The following PCDHA3 variants were observed in gnomAD, a reference collection of about 807,000 sequenced individuals.
PCDHA3 encodes protocadherin alpha-3.
Under a neutral mutation model 62.2 loss-of-function variants are expected in PCDHA3, and 41 were observed. The ratio of observed to expected loss-of-function variants is 0.66; its 90% CI spans 0.51 to 0.86. The LOEUF is 0.86. PCDHA3 is among the 40% of genes least tolerant of loss of function. The pLI, the probability that PCDHA3 is intolerant of heterozygous loss-of-function variation, is 0.00. For synonymous variants in PCDHA3, 640 were observed against 555.4 expected (o/e 1.15, Z -2.14); for missense variants, 1,304 against 1,241.2 (o/e 1.05, Z -0.76).
At chr5:140,863,799 G>A (rs1246230954) in intron 1 of PCDHA3, 10 of 212,460 alleles carry the variant, frequency 4.7e-5, no homozygotes, top group Non-Finnish European at 8.6e-5. Context: ...AGGAGTTTGA[G>A]ACCAGCCTGG....
At position 140,802,212 on chromosome 5, in the gene PCDHA3, G is replaced by A. The variant is rs1406650011; in HGVS notation, c.1015G>A (p.Glu339Lys). The change falls in exon 1 of 4, where the codon GAA (glutamate) becomes AAA (lysine). Residue 339 changes from glutamate (E) to lysine (K), a missense_variant. By Grantham distance (56) the Glu-to-Lys change is moderately conservative. Transcript: ENST00000522353. ...GTCAGATCACTGCACAGTTCTACTCGAAATTGTGGACATCAATGATAATGT... is the reference window on the plus strand; with the variant it reads ...GTCAGATCACTGCACAGTTCTACTCAAAATTGTGGACATCAATGATAATGT... ...PMSDHCTVLL[E>K]IVDINDNVPE... 2 of 1,614,100 alleles carry A rather than the reference G, an allele frequency of 1.2e-6. No homozygotes were observed. Among genetic ancestry groups the A allele is most frequent in the Non-Finnish European group, 1.7e-6 (2 of 1,180,048 alleles).
At position 140,875,993 on chromosome 5, in the gene PCDHA3, T is replaced by G. The variant is rs574636926; in HGVS notation, c.2394+72402T>G. On this transcript the variant is annotated intron_variant, in intron 1 of 3. Coordinates refer to ENST00000522353, the MANE Select transcript of PCDHA3 (RefSeq NM_018906.3). The stretch of plus-strand genomic sequence containing the variant: ...TCTCTTTTGACCTATGCGTTAAGTC[T>G]AAATGAGAATTTTGAGCTTAAAATA... The G allele has an allele frequency of 3.5e-4, 564 of 1,613,988 alleles. 6 individuals are homozygous for G. In the South Asian group the frequency reaches 5.9e-3, roughly 17 times the overall value.
At chr5:140,841,430 G>A in intron 1 of PCDHA3, 1 of 1,612,964 alleles carries the variant, frequency 6.2e-7, no homozygotes, top group Non-Finnish European at 8.5e-7. Flanking sequence ...CTCCGTCCCC[G>A]AGGAGGCCAA....
chr5:140,887,711 T>C (rs1486449046), intron 1 of PCDHA3, among the ~76,000 whole-genome samples: 1 of 152,198 alleles, frequency 6.6e-6, no homozygotes, highest in African/African-American at 2.4e-5. Context: ...ATACTTCTTC[T>C]AATAGTTTTT....
intron 1 of PCDHA3, chr5:140,928,716 C>T (rs555492959): frequency 3.1e-6 from 5 of 1,614,178 alleles, no homozygotes; most frequent in East Asian, 4.5e-5. Flanking sequence ...ACTCTAGTCT[C>T]TTTAGAATTT....
intron 1 of PCDHA3, chr5:140,856,597 C>T: frequency 6.3e-7 from 1 of 1,597,412 alleles, no homozygotes; most frequent in East Asian, 2.2e-5. Context: ...ATATTATAAA[C>T]AAAAAAGACA....
At chr5:140,835,792 C>T in intron 1 of PCDHA3, 6 of 1,613,122 alleles carry the variant, frequency 3.7e-6, no homozygotes, top group African/African-American at 1.3e-5. Context: ...AACAACCCGC[C>T]GGGCTGCCAC....
intron 3 of PCDHA3, chr5:140,988,853 A>G (rs1216953693): frequency 1.3e-5 from 2 of 152,208 alleles, no homozygotes; most frequent in Non-Finnish European, 2.9e-5. Flanking sequence ...AAACCTATCC[A>G]GTCTCATGTG....
At chr5:140,857,683 C>A in intron 1 of PCDHA3, 1 of 1,597,084 alleles carries the variant, frequency 6.3e-7, no homozygotes, top group East Asian at 2.2e-5. Context: ...CGCCTCTGGG[C>A]AGCAACTTGA....
chr5:140,899,541 T>C (rs1469690137), intron 1 of PCDHA3, among the ~76,000 whole-genome samples: 2 of 152,210 alleles, frequency 1.3e-5, no homozygotes, highest in South Asian at 2.1e-4. Context: ...CACTTGATCA[T>C]GGTGGATAAG....
intron 3 of PCDHA3, among the ~76,000 whole-genome samples, chr5:141,007,506 T>A (rs1370245633): frequency 6.6e-6 from 1 of 151,948 alleles, no homozygotes; most frequent in Non-Finnish European, 1.5e-5. Flanking sequence ...AGGCAGAGAC[T>A]GCAGTGAGCT....
chr5:141,011,662 G>C lies in PCDHA3; in HGVS notation c.*1725G>C, dbSNP rs1166635893. On this transcript the variant is annotated 3_prime_UTR_variant, in exon 4 of 4. Coordinates refer to ENST00000522353, the MANE Select transcript of PCDHA3 (RefSeq NM_018906.3). The stretch of plus-strand genomic sequence containing the variant: ...CAAGACTTCTGCTGGCAAGGGAATG[G>C]ATAAAGCTGTTTTGTTCTAGTAACA... 2.0e-5 allele frequency: 3 copies of C among 153,688 alleles called. No homozygotes were observed. Among genetic ancestry groups the C allele is most frequent in the African/African-American group, 7.2e-5 (3 of 41,414 alleles). The allele number at this position is 153,688 out of a possible 1,614,324, so 9.5% of individuals were successfully genotyped here.
intron 1 of PCDHA3, chr5:140,807,015 A>T: frequency 1.3e-6 from 1 of 792,124 alleles, no homozygotes; most frequent in Non-Finnish European, 2.0e-6. Context: ...CACAAAATAC[A>T]TGAGAGAAGG....
chr5:140,840,358 G>T (rs1180450322), intron 1 of PCDHA3, among the ~76,000 whole-genome samples: 2 of 151,928 alleles, frequency 1.3e-5, no homozygotes, highest in African/African-American at 4.8e-5. Context: ...AGGTAAAAAT[G>T]TCAGGTAGAA....
At chr5:140,824,231 C>G (rs2150133330) in intron 1 of PCDHA3, 1 of 1,533,044 alleles carries the variant, frequency 6.5e-7, no homozygotes, top group East Asian at 2.2e-5. Flanking sequence ...TCTTAGTACA[C>G]AAATATTGTG....
intron 1 of PCDHA3, chr5:140,830,355 G>C (rs2150185270): frequency 2.5e-6 from 4 of 1,614,120 alleles, no homozygotes; most frequent in South Asian, 2.2e-5. Flanking sequence ...CAGCAGAGGC[G>C]GCAGAGGGTG....
At chr5:140,836,457 G>C (rs2150261358) in intron 1 of PCDHA3, 2 of 1,613,694 alleles carry the variant, frequency 1.2e-6, no homozygotes, top group Non-Finnish European at 1.7e-6. Context: ...CCCAGAGACC[G>C]AGCTGGTGGA....
intron 1 of PCDHA3, among the ~76,000 whole-genome samples, chr5:140,889,202 T>G (rs1329949873): frequency 6.6e-6 from 1 of 151,910 alleles, no homozygotes; most frequent in Non-Finnish European, 1.5e-5. Context: ...ACTTGAATAC[T>G]TAACAAAGAA....
At chr5:140,968,437 A>G (rs1267054987) in intron 1 of PCDHA3, 2 of 1,614,072 alleles carry the variant, frequency 1.2e-6, no homozygotes, top group Admixed American at 3.3e-5. Context: ...AGGGGAGCCC[A>G]CCACTGAGCA....
Sources: gnomAD v4.1 joint callset for allele counts (sites outside exome capture counted in the v4.1 genomes callset) on GRCh38, gnomAD v4.1.1 for gene constraint, MANE v1.5 for transcripts, NCBI Gene and HGNC (gene_info 2026-07-23, HGNC 2026-07-21) for gene names.